THSD7B: variants seen among roughly 807,000 people sequenced by gnomAD.
THSD7B encodes the protein thrombospondin type 1 domain containing 7B.
In THSD7B, 138 loss-of-function variants were observed where a neutral mutation model predicts 213.6. The ratio of observed to expected loss-of-function variants is 0.65; its 90% CI spans 0.56 to 0.74. The LOEUF (loss-of-function observed/expected upper bound fraction) is 0.74. Among genes scored for constraint, THSD7B ranks in the 30% least tolerant of loss-of-function variants. THSD7B has a pLI of 0.00. For synonymous variants in THSD7B, 742 were observed against 687.0 expected (o/e 1.08, Z -1.25); for missense variants, 1,931 against 1,991.5 (o/e 0.97, Z 0.58).
chr2:136,855,544 G>C (rs546860000), intron 1 of THSD7B, among the ~76,000 whole-genome samples: 6 of 152,106 alleles, frequency 3.9e-5, no homozygotes, highest in Non-Finnish European at 8.8e-5. Context: ...TCCAGCCTCA[G>C]CCTCCTGAGA....
At chr2:137,244,939 G>T (rs1047598551) in intron 10 of THSD7B, among the ~76,000 whole-genome samples, 1 of 152,106 alleles carries the variant, frequency 6.6e-6, no homozygotes, top group South Asian at 2.1e-4. Context: ...TCACCTGGAA[G>T]AATTATTAAT....
chr2:137,652,317 A>G (rs1267434603), intron 21 of THSD7B, among the ~76,000 whole-genome samples: 3 of 151,922 alleles, frequency 2.0e-5, no homozygotes, highest in African/African-American at 2.4e-5. Context: ...TTCTTTGTCT[A>G]TTTTTACAGT....
chr2:137,661,465 G>A (rs1683341267), intron 25 of THSD7B, among the ~76,000 whole-genome samples: 1 of 151,738 alleles, frequency 6.6e-6, no homozygotes, highest in Non-Finnish European at 1.5e-5. Context: ...CCCTCCTTGA[G>A]TGCAGAAGTA....
chr2:137,673,709 C>A (rs1009588756), intron 27 of THSD7B, among the ~76,000 whole-genome samples: 1 of 152,106 alleles, frequency 6.6e-6, no homozygotes, highest in Admixed American at 6.5e-5. Context: ...TCCTGAGGTT[C>A]TTTTTTACTG....
rs1036713187 is a variant in THSD7B, at chr2:136,797,119, T to C, written c.-36+31432T>C. Among the ~76,000 whole-genome samples, 10 of 152,042 alleles carry C rather than the reference T, an allele frequency of 6.6e-5. No individual in the cohort carries two copies. In the South Asian group the frequency reaches 1.9e-3, roughly 28 times the overall value. Reference sequence around the variant, plus strand: ...TTTATAGAAACCAAATTTTGTTCACTTGGGGACTTTTCAAGGACAATAGAG... The same window carrying C: ...TTTATAGAAACCAAATTTTGTTCACCTGGGGACTTTTCAAGGACAATAGAG... On this transcript the variant is annotated intron_variant, in intron 1 of 27. Coordinates refer to ENST00000409968, the MANE Select transcript of THSD7B (RefSeq NM_001316349.2).
chr2:137,269,399 G>A (rs964824213), intron 10 of THSD7B, among the ~76,000 whole-genome samples: 3 of 152,220 alleles, frequency 2.0e-5, no homozygotes, highest in African/African-American at 2.4e-5. Context: ...GTGTGTGCAC[G>A]TGTGTGCATG....
intron 15 of THSD7B, among the ~76,000 whole-genome samples, chr2:137,525,762 G>C (rs1395076451): frequency 6.6e-6 from 1 of 152,168 alleles, no homozygotes; most frequent in Non-Finnish European, 1.5e-5. Context: ...AGCTGCTGGT[G>C]AGTTCACACA....
chr2:137,048,197 G>T (rs1687002606), intron 2 of THSD7B, among the ~76,000 whole-genome samples: 1 of 151,940 alleles, frequency 6.6e-6, no homozygotes, highest in African/African-American at 2.4e-5. Flanking sequence ...AAGGAGAAAA[G>T]AAAAAAGTTT....
At chr2:136,810,310 A>G (rs1682353906) in intron 1 of THSD7B, among the ~76,000 whole-genome samples, 1 of 152,188 alleles carries the variant, frequency 6.6e-6, no homozygotes. Flanking sequence ...AAACAGACCT[A>G]GGTCATTTGT....
In THSD7B at chr2:137,116,008, A is replaced by G. The variant is rs139704223; in HGVS notation, c.1369+715A>G. The stretch of plus-strand genomic sequence containing the variant: ...AAGCAGTACTCCCTGCAGAAGTGGT[A>G]AAGGTGGGAATGTTTCCTTGGGCTT... On this transcript the variant is annotated intron_variant, in intron 5 of 27. Coordinates refer to ENST00000409968, the MANE Select transcript of THSD7B (RefSeq NM_001316349.2). Among the ~76,000 whole-genome samples, 778 of 152,332 alleles carry G rather than the reference A, an allele frequency of 5.1e-3. 4 individuals carry two copies. The highest frequency in any genetic ancestry group is 0.013 in the Admixed American group (206 of 15,300).
intron 2 of THSD7B, among the ~76,000 whole-genome samples, chr2:136,988,451 T>C (rs1255932172): frequency 4.6e-5 from 7 of 152,212 alleles, no homozygotes; most frequent in Admixed American, 3.3e-4. Flanking sequence ...GTTTAAAAAG[T>C]AGTTTGAGAT....
intron 4 of THSD7B, among the ~76,000 whole-genome samples, chr2:137,100,372 T>C (rs572029574): frequency 9.8e-4 from 149 of 152,192 alleles, no homozygotes; most frequent in African/African-American, 3.5e-3. Flanking sequence ...TTAAGAATCT[T>C]GTTTGATGTA....
In THSD7B at chr2:137,666,744, AT is replaced by A. The variant is rs577209670; in HGVS notation, c.4652-1028del. ...CTCATATAAAATAGAGCAAAAAGAC[AT>A]TAGAGTGACAGAAACAACTCAAGTT... is the stretch of plus-strand genomic sequence containing the variant. On this transcript the variant is annotated intron_variant, in intron 26 of 27. Coordinates refer to ENST00000409968, the MANE Select transcript of THSD7B (RefSeq NM_001316349.2). Among the ~76,000 whole-genome samples the A allele has an allele frequency of 2.5e-3, 376 of 152,236 alleles. 2 individuals are homozygous for A. Among genetic ancestry groups the A allele is most frequent in the Non-Finnish European group, 4.0e-3 (271 of 67,948 alleles).
chr2:136,977,334 T>C (rs879397423), intron 2 of THSD7B, among the ~76,000 whole-genome samples: 1 of 152,190 alleles, frequency 6.6e-6, no homozygotes, highest in African/African-American at 2.4e-5. Context: ...TTCTCTCTCT[T>C]CTTCTTAGTC....
chr2:136,934,238 G>A (rs886764973), intron 2 of THSD7B, among the ~76,000 whole-genome samples: 2 of 152,016 alleles, frequency 1.3e-5, no homozygotes, highest in African/African-American at 2.4e-5. Flanking sequence ...ATCAATAATT[G>A]TTTTCTAGTC....
At chr2:137,573,047 G>T (rs550785844) in intron 17 of THSD7B, among the ~76,000 whole-genome samples, 1 of 144,844 alleles carries the variant, frequency 6.9e-6, no homozygotes, top group Non-Finnish European at 1.5e-5. Flanking sequence ...TTCTTCCAAA[G>T]CTAACAAAAA....
chr2:137,127,940 A>G (rs1688658016), intron 5 of THSD7B, among the ~76,000 whole-genome samples: 2 of 152,106 alleles, frequency 1.3e-5, no homozygotes, highest in Non-Finnish European at 2.9e-5. Context: ...AACAAAATAA[A>G]AAAACCAAAA....
intron 15 of THSD7B, among the ~76,000 whole-genome samples, chr2:137,488,334 C>G (rs1310171936): frequency 6.6e-6 from 1 of 151,864 alleles, no homozygotes; most frequent in African/African-American, 2.4e-5. Flanking sequence ...TATTTATACA[C>G]CTATATATTT....
At chr2:137,313,441 T>C (rs889122106) in intron 12 of THSD7B, among the ~76,000 whole-genome samples, 3 of 150,936 alleles carry the variant, frequency 2.0e-5, no homozygotes, top group African/African-American at 7.3e-5. Context: ...AGCACACTGA[T>C]GGTCTTGACT....
Sources: allele counts gnomAD v4.1 joint callset (sites outside exome capture counted in the v4.1 genomes callset), GRCh38; gene constraint gnomAD v4.1.1; transcripts MANE v1.5; gene names NCBI Gene and HGNC (gene_info 2026-07-23, HGNC 2026-07-21).